GHRHR: variants seen among roughly 807,000 people sequenced by gnomAD.
GHRHR encodes growth hormone releasing hormone receptor, also known as growth hormone-releasing hormone receptor.
A neutral mutation model predicts 58.3 loss-of-function variants in GHRHR; 40 were observed. The ratio of observed to expected loss-of-function variants is 0.69; its 90% CI spans 0.53 to 0.89. GHRHR has a LOEUF of 0.89. GHRHR is among the 40% of genes least tolerant of loss of function. GHRHR has a pLI of 0.00. For synonymous variants in GHRHR, 249 were observed against 216.6 expected, an observed-to-expected ratio of 1.15 and a Z score of -1.31; for missense variants, 551 against 541.3, an observed-to-expected ratio of 1.02 and a Z score of -0.18.
intron 1 of GHRHR, among the ~76,000 whole-genome samples, chr7:30,967,718 C>T: frequency 6.6e-6 from 1 of 152,006 alleles, no homozygotes; most frequent in Non-Finnish European, 1.5e-5. Context: ...TCCTTCCCTC[C>T]TTCCTTTTTT....
intron 4 of GHRHR, 67 bp downstream of exon 4, chr7:30,970,031 G>A: frequency 1.3e-6 from 1 of 793,404 alleles, no homozygotes; most frequent in Non-Finnish European, 2.3e-6. Context: ...GTGCACAACT[G>A]TAGGGGCCGC....
At chr7:30,966,767 T>C (rs1343079703) in intron 1 of GHRHR, among the ~76,000 whole-genome samples, 1 of 152,114 alleles carries the variant, frequency 6.6e-6, no homozygotes, top group African/African-American at 2.4e-5. Context: ...CTCAGCCTCC[T>C]GAGTAGCTGG....
chr7:30,973,062 C>T (rs975109919), intron 6 of GHRHR, among the ~76,000 whole-genome samples: 5 of 152,028 alleles, frequency 3.3e-5, no homozygotes, highest in East Asian at 1.9e-4. Context: ...CATAAATGAC[C>T]GATTAACACA....
chr7:30,966,186 A>C (rs1792346366), intron 1 of GHRHR, among the ~76,000 whole-genome samples: 1 of 152,052 alleles, frequency 6.6e-6, no homozygotes, highest in Non-Finnish European at 1.5e-5. Context: ...CCTATCCCAC[A>C]AATCTGCGGC....
intron 1 of GHRHR, among the ~76,000 whole-genome samples, chr7:30,966,205 C>G (rs553099558): frequency 6.6e-6 from 1 of 152,150 alleles, no homozygotes; most frequent in South Asian, 2.1e-4. Context: ...GCAGAGCTCT[C>G]GGGTCTCTCC....
Position 30,975,872 on chromosome 7 carries a change from C to A in GHRHR, c.974+4C>A. ...TCCATACCCAGTCTCAGTATTGGTACTGTGTGTTTGTGTCTGGGGATACTG... is the reference window on the plus strand; with the variant it reads ...TCCATACCCAGTCTCAGTATTGGTAATGTGTGTTTGTGTCTGGGGATACTG... On this transcript the variant is annotated splice_donor_region_variant and intron_variant, in intron 10 of 12. Transcript: ENST00000326139. 7.8e-6 allele frequency: 12 copies of A among 1,541,530 alleles called. No homozygotes were observed. Among genetic ancestry groups the A allele is most frequent in the Non-Finnish European group, 1.1e-5 (12 of 1,113,652 alleles).
Position 30,971,100 on chromosome 7 carries a change from C to G in GHRHR, c.367-19C>G. 3 of 1,101,318 alleles carry G rather than the reference C, an allele frequency of 2.7e-6. No individual in the cohort carries two copies. Among genetic ancestry groups the G allele is most frequent in the Non-Finnish European group, 2.7e-6 (2 of 735,218 alleles). 68.2% of individuals were successfully genotyped at this position (1,101,318 alleles called of 1,614,324 possible). ...AAGGCCCAGAAGCTGAGACTTTCTT[C>G]TGTCTCTGCCCTTCCCAGGAATCTT... On this transcript the variant is annotated intron_variant, in intron 4 of 12. Coordinates refer to ENST00000326139, the MANE Select transcript of GHRHR (RefSeq NM_000823.4).
At chr7:30,974,519 C>T (rs369516290) in intron 8 of GHRHR, 30 bp downstream of exon 8, 74 of 1,519,628 alleles carry the variant, frequency 4.9e-5, no homozygotes, top group East Asian at 3.8e-4. Flanking sequence ...TTGTCATACC[C>T]GCTGGTCCTA....
intron 1 of GHRHR, among the ~76,000 whole-genome samples, chr7:30,965,707 A>T (rs1290624940): frequency 1.1e-4 from 17 of 152,112 alleles, no homozygotes; most frequent in Admixed American, 1.1e-3. Context: ...GGCCCTGAAA[A>T]GTTTCCCAGG....
chr7:30,968,520 C>T (rs1465426611), intron 1 of GHRHR, among the ~76,000 whole-genome samples: 1 of 151,874 alleles, frequency 6.6e-6, no homozygotes, highest in Non-Finnish European at 1.5e-5. Flanking sequence ...TCGGTCAACC[C>T]TAACCTCTGC....
chr7:30,979,470 T>C lies in GHRHR; in HGVS notation c.*226T>C, dbSNP rs1265131029. 1.4e-5 allele frequency: 7 copies of C among 516,960 alleles called. No individual in the cohort carries two copies. The highest frequency in any genetic ancestry group is 2.5e-5 in the Non-Finnish European group (7 of 278,338). The allele number at this position is 516,960 out of a possible 1,614,324, so 32.0% of individuals were successfully genotyped here. A position where few individuals can be genotyped will look rare whatever the true frequency, so the allele number is the denominator to read the frequency against. ...CTGTGTCTGCTCTCATCCATTCCTC[T>C]TACTGGGGCCTGGGGCTCTAGCCCA... On this transcript the variant is annotated 3_prime_UTR_variant, in exon 13 of 13. Coordinates refer to ENST00000326139, the MANE Select transcript of GHRHR (RefSeq NM_000823.4).
Position 30,968,826 on chromosome 7 carries a change from T to A in GHRHR, c.58-8T>A. 1 of 1,604,732 alleles carries A rather than the reference T, an allele frequency of 6.2e-7. No individual in the cohort carries two copies. On this transcript the variant is annotated splice_region_variant and splice_polypyrimidine_tract_variant and intron_variant, in intron 1 of 12. Coordinates refer to ENST00000326139, the MANE Select transcript of GHRHR (RefSeq NM_000823.4). Reference sequence around the variant, plus strand: ...GGCTTGGCTCATCCTGTTCACTGTTTCCAGCAGGTATTGGGCCACATGCAC... The same window carrying A: ...GGCTTGGCTCATCCTGTTCACTGTTACCAGCAGGTATTGGGCCACATGCAC...
In GHRHR at chr7:30,964,082, T is replaced by C. The variant is rs1053818071; in HGVS notation, c.14T>C (p.Met5Thr). Residue 5 changes from methionine to threonine, a missense_variant, in exon 1 of 13, where the codon ATG becomes ACG. Transcript: ENST00000326139. ...GCTGGGCTCACCATGGACCGCCGGA[T>C]GTGGGGGGCCCACGTCTTCTGCGTG... MDRR[M>T]WGAHVFCVLS... 5 of 1,550,636 alleles carry C rather than the reference T, an allele frequency of 3.2e-6. No homozygotes were observed. In the East Asian group the frequency reaches 1.2e-4, roughly 38 times the overall value.
At chr7:30,974,879 G>T in intron 8 of GHRHR, 92 bp from the exon 9 acceptor site, 3 of 860,734 alleles carry the variant, frequency 3.5e-6, no homozygotes, top group Non-Finnish European at 6.1e-6. Context: ...AGGTGGGTGA[G>T]ACCAGAAGGC....
At position 30,977,381 on chromosome 7, in the gene GHRHR, C is replaced by T. The variant is rs1792611297; in HGVS notation, c.1146+59C>T. On this transcript the variant is annotated intron_variant, in intron 12 of 12. Coordinates refer to ENST00000326139, the MANE Select transcript of GHRHR (RefSeq NM_000823.4). Reference sequence around the variant, plus strand: ...CCCCCTCCCACCAGACCTAAGGCCCCTCCTCCTCTCTCCCACTCAGGCCCT... The same window carrying T: ...CCCCCTCCCACCAGACCTAAGGCCCTTCCTCCTCTCTCCCACTCAGGCCCT... 3 of 1,401,762 alleles carry T rather than the reference C, an allele frequency of 2.1e-6. No individual in the cohort carries two copies. The Middle Eastern group carries it at 5.8e-4, about 271-fold the overall frequency. The allele number at this position is 1,401,762 out of a possible 1,614,324, so 86.8% of individuals were successfully genotyped here. A position where few individuals can be genotyped will look rare whatever the true frequency, so the allele number is the denominator to read the frequency against.
intron 10 of GHRHR, 52 bp downstream of exon 10, chr7:30,975,920 T>C (rs1453995308): frequency 1.0e-6 from 1 of 996,886 alleles, no homozygotes; most frequent in Admixed American, 1.7e-5. Context: ...TGGAGGGGGA[T>C]TCAATGTGTC....
Position 30,971,208 on chromosome 7 carries a change from T to C in GHRHR, c.456T>C (p.Val152=), listed in dbSNP as rs1157327289. The change falls in exon 5 of 13, where the codon GTT becomes GTC. Residue 152 remains valine, a synonymous_variant. Coordinates refer to ENST00000326139, the MANE Select transcript of GHRHR (RefSeq NM_000823.4). ...VALFVAITIL[V]ALRRLHCPRN... ...TCTTCGTGGCCATCACCATCCTGGT[T>C]GCTCTCAGGTTTGTCATCCTCATCA... The C allele has an allele frequency of 5.5e-6, 8 of 1,443,758 alleles. No individual in the cohort carries two copies. Among genetic ancestry groups the C allele is most frequent in the Non-Finnish European group, 7.6e-6 (8 of 1,046,400 alleles). 89.4% of individuals were successfully genotyped at this position (1,443,758 alleles called of 1,614,324 possible).
intron 4 of GHRHR, 88 bp downstream of exon 4, chr7:30,970,052 C>T (rs184820348): frequency 1.3e-6 from 1 of 779,934 alleles, no homozygotes; most frequent in Non-Finnish European, 2.4e-6. Context: ...CATTCTCTAG[C>T]CTGCAGATTG....
At position 30,971,194 on chromosome 7, in the gene GHRHR, A is replaced by G; in HGVS notation, c.442A>G (p.Ile148Val). ...SISIVALFVAITILVALRRLH... is the reference protein window; with the variant it reads ...SISIVALFVAVTILVALRRLH... ...CTCTATTGTAGCCCTCTTCGTGGCC[A>G]TCACCATCCTGGTTGCTCTCAGGTT... The change falls in exon 5 of 13, where the codon ATC (isoleucine) becomes GTC (valine). Residue 148 changes from isoleucine to valine, a missense_variant. By Grantham distance (29) the Ile-to-Val change is conservative. Transcript: ENST00000326139. The G allele has an allele frequency of 6.7e-7, 1 of 1,496,200 alleles. No individual in the cohort carries two copies. Among genetic ancestry groups the G allele is most frequent in the Non-Finnish European group, 9.1e-7 (1 of 1,093,350 alleles). The allele number at this position is 1,496,200 out of a possible 1,614,324, so 92.7% of individuals were successfully genotyped here. A position where few individuals can be genotyped will look rare whatever the true frequency, so the allele number is the denominator to read the frequency against.
Sources: gnomAD v4.1 joint callset for allele counts (sites outside exome capture counted in the v4.1 genomes callset) on GRCh38, gnomAD v4.1.1 for gene constraint, MANE v1.5 for transcripts, NCBI Gene and HGNC (gene_info 2026-07-23, HGNC 2026-07-21) for gene names.